The following NLGN1 variants were observed in gnomAD, a reference collection of about 807,000 sequenced individuals.
NLGN1 encodes neuroligin-1.
In NLGN1, 12 loss-of-function variants were observed where a neutral mutation model predicts 65.5. That is an observed-to-expected ratio of 0.18 (90% CI 0.12 to 0.30). The LOEUF is 0.30. Ranked by LOEUF, NLGN1 falls within the 10% of genes least tolerant of loss-of-function variation. The pLI, the probability that NLGN1 is intolerant of heterozygous loss-of-function variation, is 1.00. For missense variants in NLGN1, 750 were observed against 1,007.1 expected (o/e 0.74, Z 3.46); for synonymous variants, 350 against 359.5 (o/e 0.97, Z 0.30).
intron 2 of NLGN1, among the ~76,000 whole-genome samples, chr3:173,574,062 C>CAAAA (rs1192427397): frequency 4.6e-4 from 24 of 51,842 alleles, no homozygotes; most frequent in African/African-American, 6.3e-4. Flanking sequence ...GACTCCACCT[C>CAAAA]AAAAAAAAAA....
intron 4 of NLGN1, among the ~76,000 whole-genome samples, chr3:174,021,973 T>C (rs1560860968): frequency 6.6e-6 from 1 of 152,096 alleles, no homozygotes; most frequent in African/African-American, 2.4e-5. Context: ...TGACCCAAGT[T>C]AAAGGGGCAG....
intron 4 of NLGN1, among the ~76,000 whole-genome samples, chr3:174,040,763 T>C (rs11921475): frequency 0.091 from 13,848 of 152,160 alleles, 1,132 homozygotes; most frequent in African/African-American, 0.22. Context: ...TCTCAAACAT[T>C]AATAAAGCCA....
At chr3:173,846,598 C>T (rs577296210) in intron 4 of NLGN1, among the ~76,000 whole-genome samples, 1 of 152,336 alleles carries the variant, frequency 6.6e-6, no homozygotes, top group Non-Finnish European at 1.5e-5. Flanking sequence ...GATGTGCCAT[C>T]TGCTCCCTTT....
intron 2 of NLGN1, among the ~76,000 whole-genome samples, chr3:173,487,820 A>C (rs976402250): frequency 1.3e-5 from 2 of 151,970 alleles, no homozygotes; most frequent in Admixed American, 6.6e-5. Context: ...CTTTCTTGAA[A>C]TACCTTCTCC....
chr3:173,732,997 A>T (rs1229166673), intron 3 of NLGN1, among the ~76,000 whole-genome samples: 2 of 152,206 alleles, frequency 1.3e-5, no homozygotes, highest in Non-Finnish European at 2.9e-5. Flanking sequence ...TGTACAGATT[A>T]TACCTTTTAT....
chr3:173,833,455 A>C (rs1026961099), intron 4 of NLGN1, among the ~76,000 whole-genome samples: 1 of 152,016 alleles, frequency 6.6e-6, no homozygotes, highest in African/African-American at 2.4e-5. Context: ...AAAAAAAATT[A>C]GTTTTTTTTG....
chr3:173,696,248 G>A (rs1184673998), intron 3 of NLGN1, among the ~76,000 whole-genome samples: 5 of 152,272 alleles, frequency 3.3e-5, no homozygotes, highest in Admixed American at 3.3e-4. Flanking sequence ...TTTGCCCTCC[G>A]AAGGTTTAAA....
At chr3:173,723,626 C>T (rs1176755087) in intron 3 of NLGN1, among the ~76,000 whole-genome samples, 1 of 152,066 alleles carries the variant, frequency 6.6e-6, no homozygotes, top group Admixed American at 6.6e-5. Context: ...CCACCTGGTT[C>T]ACGGTGAATA....
At chr3:173,678,629 G>A in intron 3 of NLGN1, among the ~76,000 whole-genome samples, 1 of 152,090 alleles carries the variant, frequency 6.6e-6, no homozygotes, top group Admixed American at 6.6e-5. Flanking sequence ...TGAAGAAGCA[G>A]CTGAAGACAA....
At chr3:173,396,557 C>T (rs901556302), upstream of NLGN1, 1 of 152,162 alleles carries the variant, frequency 6.6e-6, no homozygotes, top group African/African-American at 2.4e-5. Context: ...ACACTATTAA[C>T]ATTCTTTTGA....
At chr3:173,503,082 TTGTG>T (rs144519410) in intron 2 of NLGN1, among the ~76,000 whole-genome samples, 2 of 149,902 alleles carry the variant, frequency 1.3e-5, no homozygotes, top group African/African-American at 2.4e-5. Flanking sequence ...ATATGGCATG[TTGTG>T]TGTGTGTGTG....
chr3:174,157,269 C>T (rs1047257068), intron 4 of NLGN1, among the ~76,000 whole-genome samples: 1 of 151,702 alleles, frequency 6.6e-6, no homozygotes, highest in African/African-American at 2.4e-5. Flanking sequence ...AACATACACA[C>T]AAAACCCAGT....
At position 173,855,036 on chromosome 3, in the gene NLGN1, C is replaced by T. The variant is rs557420857; in HGVS notation, c.646+47204C>T. On this transcript the variant is annotated intron_variant, in intron 4 of 6. Transcript: ENST00000457714. Reference sequence around the variant, plus strand: ...TTTATATTATTAATGTACCATGCCACATTTTTAACTGTTAGAAAGAAGGAA... The same window carrying T: ...TTTATATTATTAATGTACCATGCCATATTTTTAACTGTTAGAAAGAAGGAA... 5.9e-5 allele frequency among the ~76,000 whole-genome samples: 9 copies of T among 152,134 alleles called. No individual in the cohort carries two copies. In the East Asian group the frequency reaches 1.4e-3, roughly 23 times the overall value.
chr3:173,750,335 C>CA (rs1166696874), intron 3 of NLGN1, among the ~76,000 whole-genome samples: 4 of 152,082 alleles, frequency 2.6e-5, no homozygotes, highest in Admixed American at 2.6e-4. Flanking sequence ...TCATGGCTTA[C>CA]ACCATACCCT....
intron 3 of NLGN1, among the ~76,000 whole-genome samples, chr3:173,732,516 C>T (rs1287287972): frequency 6.6e-6 from 1 of 152,030 alleles, no homozygotes; most frequent in Non-Finnish European, 1.5e-5. Context: ...GGACACTTTG[C>T]GGCTGGGTTC....
At chr3:173,440,445 C>A (rs1019503359) in intron 2 of NLGN1, among the ~76,000 whole-genome samples, 2 of 152,146 alleles carry the variant, frequency 1.3e-5, no homozygotes, top group African/African-American at 4.8e-5. Context: ...AGAGAAATCA[C>A]TATCTATGGC....
intron 4 of NLGN1, among the ~76,000 whole-genome samples, chr3:173,960,059 C>T (rs952364372): frequency 3.9e-5 from 6 of 152,126 alleles, no homozygotes; most frequent in Admixed American, 1.3e-4. Flanking sequence ...TTTGGATCTT[C>T]TTTCTCATTC....
chr3:173,645,106 A>T (rs1758037889), intron 3 of NLGN1, among the ~76,000 whole-genome samples: 1 of 152,216 alleles, frequency 6.6e-6, no homozygotes, highest in Non-Finnish European at 1.5e-5. Context: ...CCTCCCTCTC[A>T]TCTGGATTTA....
intron 3 of NLGN1, among the ~76,000 whole-genome samples, chr3:173,629,926 A>C (rs1399296978): frequency 6.6e-6 from 1 of 152,192 alleles, no homozygotes; most frequent in East Asian, 1.9e-4. Flanking sequence ...AAACTTTTAA[A>C]AAAGATAGTG....
Sources: gnomAD v4.1 joint callset for allele counts (sites outside exome capture counted in the v4.1 genomes callset) on GRCh38, gnomAD v4.1.1 for gene constraint, MANE v1.5 for transcripts, NCBI Gene and HGNC (gene_info 2026-07-23, HGNC 2026-07-21) for gene names.